NAALADL2: variants seen among roughly 807,000 people sequenced by gnomAD.
NAALADL2 encodes the protein inactive N-acetylated-alpha-linked acidic dipeptidase-like protein 2.
A neutral mutation model predicts 87.2 loss-of-function variants in NAALADL2; 76 were observed. The ratio of observed to expected loss-of-function variants is 0.87; its 90% CI spans 0.72 to 1.05. NAALADL2 has a LOEUF of 1.05. NAALADL2 is among the 50% of genes least tolerant of loss of function. The pLI is 0.00. For synonymous variants in NAALADL2, 354 were observed against 331.0 expected (o/e 1.07, Z -0.75); for missense variants, 1,089 against 945.8 (o/e 1.15, Z -1.99).
chr3:174,650,637 A>G (rs1443482274), intron 2 of NAALADL2, among the ~76,000 whole-genome samples: 1 of 152,134 alleles, frequency 6.6e-6, no homozygotes, highest in African/African-American at 2.4e-5. Context: ...GTAATTGTTA[A>G]CTTGCTGAGA....
intron 4 of NAALADL2, among the ~76,000 whole-genome samples, chr3:175,305,583 C>T (rs1441176374): frequency 6.6e-6 from 1 of 152,008 alleles, no homozygotes; most frequent in Non-Finnish European, 1.5e-5. Context: ...AGTGCAATGG[C>T]ACAATCTCGG....
At chr3:175,419,093 A>C (rs1715204126) in intron 5 of NAALADL2, among the ~76,000 whole-genome samples, 1 of 151,768 alleles carries the variant, frequency 6.6e-6, no homozygotes, top group Non-Finnish European at 1.5e-5. Context: ...GTCAAGTGTC[A>C]GAGCTGGGAC....
intron 2 of NAALADL2, among the ~76,000 whole-genome samples, chr3:174,600,820 A>C (rs1447215212): frequency 6.6e-6 from 1 of 152,164 alleles, no homozygotes; most frequent in Admixed American, 6.5e-5. Context: ...TGATAACTCT[A>C]TTATGAGAAT....
At chr3:175,437,895 C>A (rs550511589) in intron 5 of NAALADL2, among the ~76,000 whole-genome samples, 5 of 152,064 alleles carry the variant, frequency 3.3e-5, no homozygotes, top group Admixed American at 6.6e-5. Flanking sequence ...ATAAATATAA[C>A]TGTTGTTATG....
chr3:175,787,116 G>A (rs1752103699), intron 13 of NAALADL2, among the ~76,000 whole-genome samples: 1 of 152,146 alleles, frequency 6.6e-6, no homozygotes, highest in Non-Finnish European at 1.5e-5. Flanking sequence ...TCTCTTCAAA[G>A]CTGTGAGACA....
chr3:175,294,613 C>A (rs141410084), intron 4 of NAALADL2, among the ~76,000 whole-genome samples: 3 of 152,140 alleles, frequency 2.0e-5, no homozygotes, highest in Non-Finnish European at 4.4e-5. Flanking sequence ...AGCCAAGGTT[C>A]AAGTCTAAGA....
At chr3:175,132,167 A>G (rs371291744) in intron 2 of NAALADL2, among the ~76,000 whole-genome samples, 34,833 of 59,478 alleles carry the variant, frequency 0.59, 8,522 homozygotes, top group African/African-American at 0.7. Context: ...CGGACGGGGC[A>G]GCTGGCTGGG....
chr3:175,687,191 A>C (rs944154502), intron 11 of NAALADL2, among the ~76,000 whole-genome samples: 7 of 152,140 alleles, frequency 4.6e-5, no homozygotes, highest in Non-Finnish European at 1.0e-4. Context: ...AAATTTTTAT[A>C]AATAAATCAG....
intron 1 of NAALADL2, among the ~76,000 whole-genome samples, chr3:174,872,405 ACTGT>A (rs1727943787): frequency 6.6e-6 from 1 of 152,048 alleles, no homozygotes; most frequent in Non-Finnish European, 1.5e-5. Context: ...CGGGATTCAA[ACTGT>A]CTGACTCATA....
intron 2 of NAALADL2, among the ~76,000 whole-genome samples, chr3:175,223,133 G>T (rs898080542): frequency 9.0e-6 from 1 of 111,210 alleles, no homozygotes; most frequent in African/African-American, 3.2e-5. Context: ...TGTGTGTGTG[G>T]TAAGGACACT....
At chr3:174,453,150 T>C (rs1443563168) in intron 1 of NAALADL2, among the ~76,000 whole-genome samples, 1 of 152,134 alleles carries the variant, frequency 6.6e-6, no homozygotes, top group African/African-American at 2.4e-5. Flanking sequence ...TCACAAGTAT[T>C]AATAGCATAA....
At chr3:175,779,410 T>C (rs990550165) in intron 13 of NAALADL2, among the ~76,000 whole-genome samples, 1 of 152,202 alleles carries the variant, frequency 6.6e-6, no homozygotes, top group Non-Finnish European at 1.5e-5. Flanking sequence ...TTCTTATTTT[T>C]CCCTCTCTGT....
intron 13 of NAALADL2, chr3:175,773,406 G>C (rs1478340689): frequency 6.6e-6 from 1 of 152,036 alleles, no homozygotes; most frequent in Non-Finnish European, 1.5e-5. Context: ...GTGTCTAGCT[G>C]CTGGAACCTG....
intron 5 of NAALADL2, among the ~76,000 whole-genome samples, chr3:175,415,171 T>C (rs1714362197): frequency 6.6e-6 from 1 of 152,218 alleles, no homozygotes; most frequent in African/African-American, 2.4e-5. Context: ...GTGTGTGTGT[T>C]CATATAATTG....
At chr3:175,656,816 C>T (rs2149801401) in intron 11 of NAALADL2, among the ~76,000 whole-genome samples, 1 of 152,108 alleles carries the variant, frequency 6.6e-6, no homozygotes, top group East Asian at 1.9e-4. Context: ...CAAAATTATT[C>T]TCCTGAAAGC....
chr3:175,455,260 G>A (rs769231386), intron 6 of NAALADL2, among the ~76,000 whole-genome samples: 24 of 152,152 alleles, frequency 1.6e-4, no homozygotes, highest in Non-Finnish European at 2.9e-4. Context: ...AAGAATAAAA[G>A]AACCAGGTAG....
At chr3:175,629,138 A>T (rs1727406443) in intron 11 of NAALADL2, among the ~76,000 whole-genome samples, 2 of 148,646 alleles carry the variant, frequency 1.3e-5, no homozygotes, top group Non-Finnish European at 3.0e-5. Context: ...TATATAATAT[A>T]TATGGACATA....
chr3:175,337,960 G>C (rs1256549257), intron 5 of NAALADL2, among the ~76,000 whole-genome samples: 2 of 152,182 alleles, frequency 1.3e-5, no homozygotes, highest in African/African-American at 2.4e-5. Context: ...ACTACGATGA[G>C]AGTGGTGTAT....
chr3:175,094,387 C>T (rs75245161), intron 1 of NAALADL2, among the ~76,000 whole-genome samples: 7,895 of 152,014 alleles, frequency 0.052, 325 homozygotes, highest in African/African-American at 0.11. Context: ...TCTAGAGATT[C>T]TTTATTCTAC....
Sources: gnomAD v4.1 joint callset for allele counts (sites outside exome capture counted in the v4.1 genomes callset) on GRCh38, gnomAD v4.1.1 for gene constraint, MANE v1.5 for transcripts, NCBI Gene and HGNC (gene_info 2026-07-23, HGNC 2026-07-21) for gene names.